HTR1E: variants seen among roughly 807,000 people sequenced by gnomAD.
HTR1E encodes 5-HT-1E.
In HTR1E, 3 loss-of-function variants were observed where a neutral mutation model predicts 3.4. That is an observed-to-expected ratio of 0.89 (90% CI 0.41 to 2.31). The LOEUF (loss-of-function observed/expected upper bound fraction) is 2.31, where lower values mean the gene tolerates loss of function less well. Among genes scored for constraint, HTR1E ranks in the 30% most tolerant of loss-of-function variants. The probability of loss-of-function intolerance (pLI) is 0.05; values close to 1 mark genes in which losing one functional copy is unlikely to be tolerated. For synonymous variants in HTR1E, 170 were observed against 182.8 expected (o/e 0.93, Z 0.56); for missense variants, 392 against 467.0 (o/e 0.84, Z 1.48).
At chr6:87,011,932 G>A (rs758551999) in intron 1 of HTR1E, among the ~76,000 whole-genome samples, 3 of 152,144 alleles carry the variant, frequency 2.0e-5, no homozygotes, top group African/African-American at 7.2e-5. Context: ...CAAAATGGAG[G>A]AACAGAAAAG....
intron 1 of HTR1E, among the ~76,000 whole-genome samples, chr6:86,984,395 C>T (rs1767754305): frequency 6.6e-6 from 1 of 152,142 alleles, no homozygotes; most frequent in Admixed American, 6.5e-5. Flanking sequence ...AAAACCAAAG[C>T]ACAGCCATTT....
chr6:87,008,532 A>G (rs1458187097), intron 1 of HTR1E, among the ~76,000 whole-genome samples: 1 of 152,236 alleles, frequency 6.6e-6, no homozygotes, highest in Admixed American at 6.5e-5. Flanking sequence ...TTGAAAACCA[A>G]TAGATTAGCT....
chr6:86,960,679 C>A (rs1426330671), intron 1 of HTR1E, among the ~76,000 whole-genome samples: 1 of 152,128 alleles, frequency 6.6e-6, no homozygotes, highest in African/African-American at 2.4e-5. Flanking sequence ...CACGGAGAAC[C>A]TGAATTCTAG....
At chr6:87,005,695 G>GAAAT (rs1283537019) in intron 1 of HTR1E, among the ~76,000 whole-genome samples, 2 of 152,056 alleles carry the variant, frequency 1.3e-5, no homozygotes, top group African/African-American at 4.8e-5. Flanking sequence ...GATTTCTTGA[G>GAAAT]AAATACTCCA....
intron 1 of HTR1E, among the ~76,000 whole-genome samples, chr6:87,002,466 TTG>T (rs1768038803): frequency 6.6e-6 from 1 of 152,224 alleles, no homozygotes; most frequent in African/African-American, 2.4e-5. Context: ...ATTCCCTTAT[TTG>T]TCCGCACCCA....
In HTR1E at chr6:87,015,269, C is replaced by G. The variant is rs746597171; in HGVS notation, c.-66C>G. On this transcript the variant is annotated 5_prime_UTR_variant, in exon 2 of 2. Transcript: ENST00000305344. ...TACAAGTGAGAAACCTTCGAGGCTA[C>G]ATAGTTTTCAGCCAAAGGAAAATAA... 1.2e-4 allele frequency: 173 copies of G among 1,401,256 alleles called. No individual in the cohort carries two copies. Among genetic ancestry groups the G allele is most frequent in the Non-Finnish European group, 1.6e-4 (172 of 1,048,958 alleles). 86.8% of individuals were successfully genotyped at this position (1,401,256 alleles called of 1,614,324 possible). A position where few individuals can be genotyped will look rare whatever the true frequency, so the allele number is the denominator to read the frequency against.
At chr6:86,982,665 G>A (rs1767731536) in intron 1 of HTR1E, among the ~76,000 whole-genome samples, 2 of 152,146 alleles carry the variant, frequency 1.3e-5, no homozygotes, top group Admixed American at 6.6e-5. Context: ...TCTGGAATCT[G>A]ACTATGCAAA....
intron 1 of HTR1E, among the ~76,000 whole-genome samples, chr6:86,986,641 T>C (rs947000664): frequency 3.3e-5 from 5 of 152,156 alleles, no homozygotes; most frequent in Admixed American, 2.0e-4. Flanking sequence ...TTATATGAGG[T>C]GAGACTATTC....
chr6:86,976,978 A>AT (rs1015309993), intron 1 of HTR1E, among the ~76,000 whole-genome samples: 16 of 152,176 alleles, frequency 1.1e-4, no homozygotes, highest in Non-Finnish European at 2.4e-4. Flanking sequence ...TCTTAGAACA[A>AT]TTTTTTTAAG....
intron 1 of HTR1E, among the ~76,000 whole-genome samples, chr6:86,970,310 A>G (rs1415735501): frequency 6.6e-6 from 1 of 152,216 alleles, no homozygotes; most frequent in Admixed American, 6.5e-5. Flanking sequence ...CTTATGGAAG[A>G]TCACTGAGTT....
At chr6:86,943,446 C>A (rs943619859) in intron 1 of HTR1E, among the ~76,000 whole-genome samples, 37 of 152,298 alleles carry the variant, frequency 2.4e-4, no homozygotes, top group African/African-American at 7.0e-4. Context: ...TGGGTTAATA[C>A]CCCATTCTCT....
At chr6:87,012,159 T>C (rs1382657274) in intron 1 of HTR1E, among the ~76,000 whole-genome samples, 1 of 152,132 alleles carries the variant, frequency 6.6e-6, no homozygotes, top group African/African-American at 2.4e-5. Flanking sequence ...CCAGGGACTT[T>C]CTCTGTGCAT....
intron 1 of HTR1E, among the ~76,000 whole-genome samples, chr6:86,981,289 C>T (rs1767708495): frequency 6.6e-6 from 1 of 152,166 alleles, no homozygotes. Flanking sequence ...AACTACTCTA[C>T]TTTAAATTAA....
chr6:86,971,579 A>C (rs1384053743), intron 1 of HTR1E, among the ~76,000 whole-genome samples: 1 of 151,770 alleles, frequency 6.6e-6, no homozygotes, highest in East Asian at 1.9e-4. Context: ...TTTCCTTGCT[A>C]ATTTCATTTT....
chr6:87,001,247 G>A (rs1231099653), intron 1 of HTR1E, among the ~76,000 whole-genome samples: 1 of 151,964 alleles, frequency 6.6e-6, no homozygotes, highest in Admixed American at 6.6e-5. Flanking sequence ...AAAGAAGGAA[G>A]GAAAAGAAGA....
At chr6:86,959,872 C>T (rs1354834008) in intron 1 of HTR1E, among the ~76,000 whole-genome samples, 10 of 152,140 alleles carry the variant, frequency 6.6e-5, no homozygotes, top group African/African-American at 2.2e-4. Flanking sequence ...AAGCTGCAGG[C>T]AAAGATAAGG....
intron 1 of HTR1E, among the ~76,000 whole-genome samples, chr6:87,011,273 G>A (rs1032585805): frequency 1.1e-4 from 16 of 152,228 alleles, no homozygotes; most frequent in Non-Finnish European, 7.3e-5. Context: ...CTTGCAGCAG[G>A]AGGGAATGAC....
At chr6:86,945,990 C>T (rs926473191) in intron 1 of HTR1E, among the ~76,000 whole-genome samples, 16 of 152,144 alleles carry the variant, frequency 1.1e-4, no homozygotes, top group Non-Finnish European at 1.9e-4. Flanking sequence ...TTACCTGCCT[C>T]GGCCTCCCAA....
intron 1 of HTR1E, among the ~76,000 whole-genome samples, chr6:86,941,326 C>A (rs541833403): frequency 6.4e-4 from 97 of 152,268 alleles, no homozygotes; most frequent in African/African-American, 2.1e-3. Context: ...TCTTGAGAAC[C>A]CTCTTTCTAA....
Sources: gnomAD v4.1 joint callset for allele counts (sites outside exome capture counted in the v4.1 genomes callset) on GRCh38, gnomAD v4.1.1 for gene constraint, MANE v1.5 for transcripts, NCBI Gene and HGNC (gene_info 2026-07-23, HGNC 2026-07-21) for gene names.